Variants in TRPM3 observed in about 807,000 individuals in gnomAD.
TRPM3 encodes long transient receptor potential channel 3.
In TRPM3, 77 loss-of-function variants were observed where a neutral mutation model predicts 181.2. The ratio of observed to expected loss-of-function variants is 0.42; its 90% CI spans 0.35 to 0.51. The LOEUF (loss-of-function observed/expected upper bound fraction) is 0.51. Among genes scored for constraint, TRPM3 ranks in the 20% least tolerant of loss-of-function variants. The pLI, the probability that TRPM3 is intolerant of heterozygous loss-of-function variation, is 0.01. For synonymous variants in TRPM3, 745 were observed against 796.4 expected, an observed-to-expected ratio of 0.94 and a Z score of 1.09; for missense variants, 1,759 against 2,196.7, an observed-to-expected ratio of 0.80 and a Z score of 3.98.
At chr9:70,968,833 C>T (rs1355184646) in intron 1 of TRPM3, among the ~76,000 whole-genome samples, 2 of 152,188 alleles carry the variant, frequency 1.3e-5, no homozygotes, top group East Asian at 1.9e-4. Context: ...AACTGGACCC[C>T]TCCCTTACAC....
chr9:71,016,095 T>G (rs1197054575), intron 1 of TRPM3, among the ~76,000 whole-genome samples: 6 of 147,596 alleles, frequency 4.1e-5, no homozygotes, highest in Non-Finnish European at 8.9e-5. Flanking sequence ...CTTGTGAGGC[T>G]GAGGCAGGAG....
At chr9:70,686,805 C>A (rs1246427746) in intron 8 of TRPM3, among the ~76,000 whole-genome samples, 1 of 139,684 alleles carries the variant, frequency 7.2e-6, no homozygotes, top group Non-Finnish European at 1.5e-5. Flanking sequence ...CTCCCTCCCT[C>A]TTTCTTTTCT....
chr9:71,386,314 C>A (rs959699943), intron 1 of TRPM3, among the ~76,000 whole-genome samples: 1 of 151,530 alleles, frequency 6.6e-6, no homozygotes, highest in Non-Finnish European at 1.5e-5. Context: ...CCCGGTGTGG[C>A]GGTGCACGCG....
At chr9:70,664,362 G>C (rs971356799) in intron 9 of TRPM3, among the ~76,000 whole-genome samples, 5 of 152,158 alleles carry the variant, frequency 3.3e-5, no homozygotes, top group African/African-American at 9.7e-5. Context: ...AAATCAGGGA[G>C]TCATCCAAAT....
intron 1 of TRPM3, among the ~76,000 whole-genome samples, chr9:71,346,672 A>C (rs991758977): frequency 3.9e-5 from 6 of 152,220 alleles, no homozygotes; most frequent in African/African-American, 1.2e-4. Flanking sequence ...AGCCTCAGAT[A>C]AAGTAATGAG....
chr9:70,604,060 C>G (rs1319637471), intron 19 of TRPM3, among the ~76,000 whole-genome samples: 1 of 152,218 alleles, frequency 6.6e-6, no homozygotes, highest in Non-Finnish European at 1.5e-5. Flanking sequence ...TAAGATATTC[C>G]TTCCTGGTGT....
intron 5 of TRPM3, 90 bp from the exon 6 acceptor site, chr9:70,828,108 AAG>A: frequency 7.7e-7 from 1 of 1,304,042 alleles, no homozygotes; most frequent in Non-Finnish European, 1.1e-6. Context: ...GAGAGGAAGA[AAG>A]AACATCAGTT....
chr9:71,277,877 A>G (rs2084348032), intron 1 of TRPM3, among the ~76,000 whole-genome samples: 1 of 148,786 alleles, frequency 6.7e-6, no homozygotes, highest in African/African-American at 2.4e-5. Context: ...GGATGCAGAG[A>G]CAAAGTCAGA....
At chr9:71,160,484 G>A (rs898262853) in intron 1 of TRPM3, among the ~76,000 whole-genome samples, 4 of 152,100 alleles carry the variant, frequency 2.6e-5, no homozygotes, top group East Asian at 3.9e-4. Flanking sequence ...CTTAACCCAC[G>A]TCATAACACC....
At chr9:70,799,544 T>C (rs2088279755) in intron 6 of TRPM3, among the ~76,000 whole-genome samples, 1 of 152,184 alleles carries the variant, frequency 6.6e-6, no homozygotes, top group African/African-American at 2.4e-5. Flanking sequence ...AGCTCCCTCC[T>C]TGTTTCCATG....
intron 7 of TRPM3, among the ~76,000 whole-genome samples, chr9:70,782,062 T>C (rs915010441): frequency 7.9e-5 from 12 of 152,162 alleles, no homozygotes; most frequent in African/African-American, 2.9e-4. Context: ...GTATCTACTT[T>C]GTAGGAATAC....
intron 1 of TRPM3, among the ~76,000 whole-genome samples, chr9:71,392,499 C>T (rs1212842273): frequency 6.6e-6 from 1 of 152,086 alleles, no homozygotes; most frequent in Admixed American, 6.6e-5. Flanking sequence ...TTTGCCTTGG[C>T]TGGGTATTGG....
rs116141337 is a variant in TRPM3 at position 71,282,586 on chromosome 9, G to C, written c.183+164067C>G. Reference sequence around the variant, plus strand: ...AGTAAAATTGTTATTTTTTTTAGAAGTCTGTTGTTGGAAACATCTGTGAGC... The same window carrying C: ...AGTAAAATTGTTATTTTTTTTAGAACTCTGTTGTTGGAAACATCTGTGAGC... On this transcript the variant is annotated intron_variant, in intron 1 of 24. Transcript: ENST00000357533. Among the ~76,000 whole-genome samples the C allele has an allele frequency of 8.3e-3, 1,267 of 152,176 alleles. 20 individuals carry two copies. The highest frequency in any genetic ancestry group is 0.029 in the African/African-American group (1,185 of 41,518).
At chr9:70,993,305 T>A (rs1251514110) in intron 1 of TRPM3, among the ~76,000 whole-genome samples, 2 of 152,120 alleles carry the variant, frequency 1.3e-5, no homozygotes, top group Non-Finnish European at 2.9e-5. Context: ...AGTACAGGTG[T>A]GAGGTGATGG....
chr9:70,945,493 T>C (rs184964050), intron 1 of TRPM3, among the ~76,000 whole-genome samples: 1 of 152,334 alleles, frequency 6.6e-6, no homozygotes, highest in East Asian at 1.9e-4. Context: ...ACTGCTGTGA[T>C]GACTCAATGT....
chr9:70,919,757 C>A (rs1248959126), intron 1 of TRPM3, among the ~76,000 whole-genome samples: 1 of 149,044 alleles, frequency 6.7e-6, no homozygotes, highest in Non-Finnish European at 1.5e-5. Flanking sequence ...GCACTCCAGC[C>A]TGGGTGACAA....
chr9:70,690,293 A>C (rs1293876540), intron 8 of TRPM3, among the ~76,000 whole-genome samples: 1 of 152,196 alleles, frequency 6.6e-6, no homozygotes, highest in Admixed American at 6.5e-5. Context: ...ATAGATAATC[A>C]ACAAAGAAAG....
rs557964868 is a variant in TRPM3 at position 71,089,188 on chromosome 9, G to A, written c.177+31990C>T. 3.0e-3 allele frequency among the ~76,000 whole-genome samples: 435 copies of A among 145,410 alleles called. 1 individual carries two copies. The highest frequency in any genetic ancestry group is 7.5e-3 in the Middle Eastern group (2 of 268). On this transcript the variant is annotated intron_variant, in intron 1 of 25. Transcript: ENST00000677713. The stretch of plus-strand genomic sequence containing the variant: ...ATATGAATATATATTTTTATGATAC[G>A]TGAATATATATTTTATATATTCATA...
Position 70,683,428 on chromosome 9 carries a change from C to CTTTTTTTTTTTTTTT in TRPM3, c.1273-1865_1273-1851dup, listed in dbSNP as rs575176948. Among the ~76,000 whole-genome samples, 130 of 57,464 alleles carry CTTTTTTTTTTTTTTT rather than the reference C, an allele frequency of 2.3e-3. 18 individuals carry two copies. Among genetic ancestry groups the CTTTTTTTTTTTTTTT allele is most frequent in the Non-Finnish European group, 3.3e-3 (102 of 30,782 alleles). The allele number at this position is 57,464 out of a possible 152,430, so 37.7% of individuals were successfully genotyped here. A position where few individuals can be genotyped will look rare whatever the true frequency, so the allele number is the denominator to read the frequency against. On this transcript the variant is annotated intron_variant, in intron 8 of 25. Transcript: ENST00000677713. ...CCTTTTCTCTCTTTCTCTCTCTCTC[C>CTTTTTTTTTTTTTTT]TTTTTTTTTTTTTTTTTTTTTTTTT... is the stretch of plus-strand genomic sequence containing the variant.
Sources: allele counts gnomAD v4.1 joint callset (sites outside exome capture counted in the v4.1 genomes callset), GRCh38; gene constraint gnomAD v4.1.1; transcripts MANE v1.5; gene names NCBI Gene and HGNC (gene_info 2026-07-23, HGNC 2026-07-21).